Variants in NRXN1 observed in about 807,000 individuals in gnomAD.
NRXN1 encodes neurexin-1.
A neutral mutation model predicts 150.9 loss-of-function variants in NRXN1; 39 were observed. The ratio of observed to expected loss-of-function variants is 0.26; its 90% CI spans 0.20 to 0.34. The LOEUF (loss-of-function observed/expected upper bound fraction) is 0.34. Among genes scored for constraint, NRXN1 ranks in the 10% least tolerant of loss-of-function variants. The pLI is 1.00. For missense variants in NRXN1, 1,815 were observed against 1,949.9 expected (o/e 0.93, Z 1.30); for synonymous variants, 924 against 757.0 (o/e 1.22, Z -3.62).
intron 5 of NRXN1, among the ~76,000 whole-genome samples, chr2:50,767,594 C>G (rs934249041): frequency 6.6e-6 from 1 of 151,970 alleles, no homozygotes; most frequent in Non-Finnish European, 1.5e-5. Flanking sequence ...CAGTTCCTGT[C>G]CTTGAGAAGG....
chr2:50,899,442 C>T (rs1682561803), intron 5 of NRXN1, among the ~76,000 whole-genome samples: 1 of 152,100 alleles, frequency 6.6e-6, no homozygotes, highest in Non-Finnish European at 1.5e-5. Context: ...ACACCCTCTG[C>T]CACATTAGAG....
chr2:50,050,773 C>T (rs1426500488), intron 21 of NRXN1, among the ~76,000 whole-genome samples: 1 of 108,028 alleles, frequency 9.3e-6, no homozygotes, highest in East Asian at 2.9e-4. Flanking sequence ...AAATAAATTG[C>T]TTTCTTCCCT....
At chr2:50,227,134 C>T (rs1213067320) in intron 18 of NRXN1, among the ~76,000 whole-genome samples, 2 of 132,586 alleles carry the variant, frequency 1.5e-5, no homozygotes, top group Non-Finnish European at 3.2e-5. Context: ...AAATTGCCAA[C>T]AAAAAATGCA....
intron 21 of NRXN1, among the ~76,000 whole-genome samples, chr2:49,963,750 A>G (rs1676420237): frequency 1.3e-5 from 2 of 152,342 alleles, no homozygotes; most frequent in Non-Finnish European, 2.9e-5. Context: ...CAGTTTCTCA[A>G]TTACTTTCAT....
At chr2:50,497,901 A>C (rs967564021) in intron 13 of NRXN1, among the ~76,000 whole-genome samples, 187 bp from the exon 14 acceptor site, 3 of 152,206 alleles carry the variant, frequency 2.0e-5, no homozygotes, top group South Asian at 2.1e-4. Flanking sequence ...AAACATTCTT[A>C]GGCCAGGTTA....
At chr2:50,092,327 T>C (rs542112638) in intron 18 of NRXN1, among the ~76,000 whole-genome samples, 6 of 152,358 alleles carry the variant, frequency 3.9e-5, no homozygotes, top group Admixed American at 1.3e-4. Context: ...CTATGTCCTC[T>C]GCCTCTGAGA....
At chr2:50,671,318 T>A (rs1480592416) in intron 5 of NRXN1, among the ~76,000 whole-genome samples, 3 of 151,744 alleles carry the variant, frequency 2.0e-5, no homozygotes, top group Non-Finnish European at 3.0e-5. Flanking sequence ...ATTTTAGTGT[T>A]TAATCTGTTT....
Position 51,027,750 on chromosome 2 carries a change from C to G in NRXN1, c.524G>C (p.Arg175Thr). ...CCACCCCTTGAAGGGCTCCCGCTCC[C>G]TCACCGAGGCCAGGGTGAGCTTGAG... ...AALKLTLASV[R>T]EREPFKGWIR... Residue 175 changes from arginine to threonine, a missense_variant, in exon 2 of 23, where the codon AGG (arginine) becomes ACG (threonine). By Grantham distance (71) the Arg-to-Thr change is moderately conservative. This residue lies in a region of NRXN1 where 554 missense variants were observed against 478.8 expected (regional missense o/e 1.16). Coordinates refer to ENST00000401669, the MANE Select transcript of NRXN1 (RefSeq NM_001330078.2). 1 of 1,612,166 alleles carries G rather than the reference C, an allele frequency of 6.2e-7. No homozygotes were observed. The highest frequency in any genetic ancestry group is 8.5e-7 in the Non-Finnish European group (1 of 1,179,182).
chr2:50,311,244 A>G (rs1169370484), intron 17 of NRXN1, among the ~76,000 whole-genome samples: 4 of 152,278 alleles, frequency 2.6e-5, no homozygotes, highest in East Asian at 3.9e-4. Context: ...ATCACAATGA[A>G]GTTTCATACT....
chr2:51,027,776 C>A lies in NRXN1; in HGVS notation c.498G>T (p.Ala166=), dbSNP rs201212909. The change falls in exon 2 of 23, where the codon GCG becomes GCT. Residue 166 remains alanine, a synonymous_variant. Coordinates refer to ENST00000401669, the MANE Select transcript of NRXN1 (RefSeq NM_001330078.2). Reference sequence around the variant, plus strand: ...TCACCGAGGCCAGGGTGAGCTTGAGCGCCGCGGCGCGCAGTTCCGGGGGCA... The same window carrying A: ...TCACCGAGGCCAGGGTGAGCTTGAGAGCCGCGGCGCGCAGTTCCGGGGGCA... ...GGLPPELRAA[A]LKLTLASVRE... is the part of the protein sequence containing the mutation. 1 of 1,612,244 alleles carries A rather than the reference C, an allele frequency of 6.2e-7. No individual in the cohort carries two copies. Among genetic ancestry groups the A allele is most frequent in the Non-Finnish European group, 8.5e-7 (1 of 1,179,310 alleles).
rs572414403 is a variant in NRXN1 at position 50,974,493 on chromosome 2, G to A, written c.773-48538C>T. On this transcript the variant is annotated intron_variant, in intron 2 of 22. Coordinates refer to ENST00000401669, the MANE Select transcript of NRXN1 (RefSeq NM_001330078.2). Reference sequence around the variant, plus strand: ...AAAACACAGATATACTTGAGGAAAGGCTGACCTAAAATTGCTGACCATCTT... The same window carrying A: ...AAAACACAGATATACTTGAGGAAAGACTGACCTAAAATTGCTGACCATCTT... 4.6e-5 allele frequency among the ~76,000 whole-genome samples: 7 copies of A among 152,206 alleles called. No homozygotes were observed. In the South Asian group the frequency reaches 1.0e-3, roughly 23 times the overall value.
At chr2:50,537,261 T>G (rs985926642) in intron 10 of NRXN1, among the ~76,000 whole-genome samples, 1 of 152,206 alleles carries the variant, frequency 6.6e-6, no homozygotes, top group Non-Finnish European at 1.5e-5. Flanking sequence ...GCTAAATATG[T>G]AATAAAGCAA....
intron 18 of NRXN1, among the ~76,000 whole-genome samples, chr2:50,189,489 A>G (rs991883561): frequency 1.3e-5 from 2 of 152,210 alleles, no homozygotes; most frequent in Non-Finnish European, 2.9e-5. Context: ...TGTTCTGCAC[A>G]TGTATCCAAG....
chr2:50,386,678 G>C (rs940039357), intron 17 of NRXN1, among the ~76,000 whole-genome samples: 1 of 152,136 alleles, frequency 6.6e-6, no homozygotes, highest in Non-Finnish European at 1.5e-5. Context: ...AGGATACCAA[G>C]TTGCAATGGA....
intron 17 of NRXN1, among the ~76,000 whole-genome samples, chr2:50,252,704 A>T (rs188041716): frequency 1.3e-5 from 2 of 152,142 alleles, no homozygotes; most frequent in African/African-American, 4.8e-5. Flanking sequence ...TCTTTTTGTC[A>T]GGTTTGTCGA....
At chr2:50,662,649 A>G (rs1378236905) in intron 5 of NRXN1, among the ~76,000 whole-genome samples, 1 of 151,912 alleles carries the variant, frequency 6.6e-6, no homozygotes, top group Admixed American at 6.6e-5. Flanking sequence ...GTGTGGCCCA[A>G]GGCGATTCTT....
chr2:50,362,177 T>C (rs2079260325), intron 17 of NRXN1, among the ~76,000 whole-genome samples: 1 of 152,186 alleles, frequency 6.6e-6, no homozygotes, highest in Admixed American at 6.5e-5. Context: ...GCATTCCCTT[T>C]GAAAACCGGC....
At position 50,350,417 on chromosome 2, in the gene NRXN1, G is replaced by A. The variant is rs769890650; in HGVS notation, c.3365-113447C>T. ...TGGTGCTAAAAAGACCTAAAATAGC[G>A]CACTTGTTTACAGTGTGAGAGCTGA... On this transcript the variant is annotated intron_variant, in intron 17 of 22. Coordinates refer to ENST00000401669, the MANE Select transcript of NRXN1 (RefSeq NM_001330078.2). Among the ~76,000 whole-genome samples, 11 of 152,210 alleles carry A rather than the reference G, an allele frequency of 7.2e-5. 1 individual carries two copies. The South Asian group carries it at 1.5e-3, about 20-fold the overall frequency.
chr2:50,852,426 A>C (rs1189826199), intron 5 of NRXN1, among the ~76,000 whole-genome samples: 3 of 151,986 alleles, frequency 2.0e-5, no homozygotes, highest in Non-Finnish European at 4.4e-5. Context: ...TAAAATAATC[A>C]AAAAATAGTT....
Sources: gnomAD v4.1 joint callset for allele counts (sites outside exome capture counted in the v4.1 genomes callset) on GRCh38, gnomAD v4.1.1 for gene constraint, gnomAD v4.1.1 regional missense constraint, MANE v1.5 for transcripts, NCBI Gene and HGNC (gene_info 2026-07-23, HGNC 2026-07-21) for gene names.